GTF2H1: variants seen among roughly 807,000 people sequenced by gnomAD.
The protein encoded by GTF2H1 is general transcription factor IIH subunit 1, also known as BTF2 p62.
GTF2H1 carries 16 observed loss-of-function variants against 71.2 expected under a neutral mutation model. The ratio of observed to expected loss-of-function variants is 0.22; its 90% CI spans 0.15 to 0.34. GTF2H1 has a LOEUF of 0.34. Ranked by LOEUF, GTF2H1 falls within the 10% of genes least tolerant of loss-of-function variation. GTF2H1 has a pLI of 1.00. For synonymous variants in GTF2H1, 215 were observed against 219.0 expected (o/e 0.98, Z 0.16); for missense variants, 498 against 648.2 (o/e 0.77, Z 2.52).
In GTF2H1 at chr11:18,347,859, G is replaced by C; in HGVS notation, c.993G>C (p.Glu331Asp). 6.2e-7 allele frequency: 1 copy of C among 1,612,724 alleles called. No individual in the cohort carries two copies. The highest frequency in any genetic ancestry group is 8.5e-7 in the Non-Finnish European group (1 of 1,179,560). ...KQEAQNEQTSEPSNMDGNSGD... is the reference protein window; with the variant it reads ...KQEAQNEQTSDPSNMDGNSGD... ...AAGCACAAAATGAACAAACTAGTGA[G>C]CCCAGCAACATGGATGGAAATTCCG... Residue 331 changes from glutamate (E) to aspartate (D), a missense_variant, in exon 9 of 15, where the codon GAG becomes GAC. This residue lies in a region of GTF2H1 where 266 missense variants were observed against 301.6 expected (regional missense o/e 0.88). Coordinates refer to ENST00000265963, the MANE Select transcript of GTF2H1 (RefSeq NM_005316.4).
rs751725384 is a variant in GTF2H1 at position 18,338,293 on chromosome 11, T to A, written c.513+19T>A. The A allele has an allele frequency of 2.6e-6, 4 of 1,563,434 alleles. No individual in the cohort carries two copies. In the South Asian group the frequency reaches 3.3e-5, roughly 13 times the overall value. ...ATTTCTGGTATGTGAGCCTTCTAGATTTCTGAAGAAAATAAAAATTCAAAC... is the reference window on the plus strand; with the variant it reads ...ATTTCTGGTATGTGAGCCTTCTAGAATTCTGAAGAAAATAAAAATTCAAAC... On this transcript the variant is annotated intron_variant, in intron 4 of 14. Coordinates refer to ENST00000265963, the MANE Select transcript of GTF2H1 (RefSeq NM_005316.4).
intron 14 of GTF2H1, among the ~76,000 whole-genome samples, 158 bp from the exon 15 acceptor site, chr11:18,365,625 G>A (rs4150682): frequency 6.6e-5 from 10 of 152,204 alleles, no homozygotes; most frequent in Admixed American, 6.5e-4. Flanking sequence ...AAATGTGTCT[G>A]ACAGCACCTT....
intron 1 of GTF2H1, among the ~76,000 whole-genome samples, chr11:18,329,055 CAG>C (rs1395894872): frequency 2.6e-5 from 4 of 151,984 alleles, no homozygotes; most frequent in South Asian, 2.1e-4. Flanking sequence ...AACAAATTCT[CAG>C]TGGTGAGTAA....
chr11:18,334,115 C>T (rs1230050672), intron 2 of GTF2H1, among the ~76,000 whole-genome samples: 4 of 152,186 alleles, frequency 2.6e-5, no homozygotes, highest in Admixed American at 2.6e-4. Flanking sequence ...CGCGGTGGCT[C>T]ACGCCTGTAA....
chr11:18,357,288 T>A (rs1482979565), intron 11 of GTF2H1, among the ~76,000 whole-genome samples: 1 of 152,232 alleles, frequency 6.6e-6, no homozygotes, highest in Non-Finnish European at 1.5e-5. Flanking sequence ...TTTTCCTAAA[T>A]GTTGATGTTG....
chr11:18,332,915 T>C (rs1864933839), intron 1 of GTF2H1, 145 bp from the exon 2 acceptor site: 6 of 540,092 alleles, frequency 1.1e-5, no homozygotes, highest in Middle Eastern at 4.8e-4. Flanking sequence ...ATCTTCAACT[T>C]TGAATGAGAA....
chr11:18,353,412 CCCTT>C (rs1941192866), intron 11 of GTF2H1, among the ~76,000 whole-genome samples: 1 of 152,182 alleles, frequency 6.6e-6, no homozygotes. Flanking sequence ...CTCCGCTACT[CCCTT>C]CCACACATGG....
At chr11:18,349,583 T>C (rs374243642) in intron 9 of GTF2H1, among the ~76,000 whole-genome samples, 49 of 152,326 alleles carry the variant, frequency 3.2e-4, no homozygotes, top group Admixed American at 9.8e-4. Flanking sequence ...CCTGGGAGGC[T>C]GAGGCAGCAA....
chr11:18,351,188 G>C (rs1865412471), intron 9 of GTF2H1, among the ~76,000 whole-genome samples: 1 of 151,888 alleles, frequency 6.6e-6, no homozygotes, highest in Non-Finnish European at 1.5e-5. Context: ...CGCAATTTAG[G>C]AGACTGAGTT....
chr11:18,342,226 C>T (rs1257081843), intron 7 of GTF2H1, among the ~76,000 whole-genome samples: 1 of 141,578 alleles, frequency 7.1e-6, no homozygotes, highest in African/African-American at 2.6e-5. Context: ...CATTTTCTTG[C>T]TCTTATTTTT....
chr11:18,336,161 C>G (rs574005848), intron 3 of GTF2H1, among the ~76,000 whole-genome samples: 1 of 152,182 alleles, frequency 6.6e-6, no homozygotes, highest in South Asian at 2.1e-4. Context: ...GAGTTTCGCT[C>G]TGTCGCCTAG....
In GTF2H1 at chr11:18,349,244, T is replaced by G. The variant is rs555380845; in HGVS notation, c.1053+1325T>G. On this transcript the variant is annotated intron_variant, in intron 9 of 14. Coordinates refer to ENST00000265963, the MANE Select transcript of GTF2H1 (RefSeq NM_005316.4). Reference sequence around the variant, plus strand: ...AGGCATGTATTACCTATAAAATTAATAAAGCCAGTGAGGTATTTCTTTTTT... The same window carrying G: ...AGGCATGTATTACCTATAAAATTAAGAAAGCCAGTGAGGTATTTCTTTTTT... Among the ~76,000 whole-genome samples the G allele has an allele frequency of 2.5e-3, 379 of 152,320 alleles. 1 individual carries two copies. The highest frequency in any genetic ancestry group is 8.7e-3 in the African/African-American group (362 of 41,574).
At position 18,352,163 on chromosome 11, in the gene GTF2H1, G is replaced by T. The variant is rs1026959870; in HGVS notation, c.1143-166G>T. ...AATAAATGTGGATCTTTCTGCTGTTGCTTTCTTATTGCCCTTATGGGAATT... is the reference window on the plus strand; with the variant it reads ...AATAAATGTGGATCTTTCTGCTGTTTCTTTCTTATTGCCCTTATGGGAATT... On this transcript the variant is annotated intron_variant, in intron 10 of 14. Transcript: ENST00000265963. 50 of 627,944 alleles carry T rather than the reference G, an allele frequency of 8.0e-5. 1 individual carries two copies. The Admixed American group carries it at 1.4e-3, about 17-fold the overall frequency. 38.9% of individuals were successfully genotyped at this position (627,944 alleles called of 1,614,324 possible). A position where few individuals can be genotyped will look rare whatever the true frequency, so the allele number is the denominator to read the frequency against.
intron 14 of GTF2H1, among the ~76,000 whole-genome samples, chr11:18,361,978 A>C (rs1865713826): frequency 6.6e-6 from 1 of 152,224 alleles, no homozygotes; most frequent in Non-Finnish European, 1.5e-5. Context: ...AAGCCCTCCC[A>C]GAGGTACCTT....
At chr11:18,345,080 A>G (rs1865256789) in intron 7 of GTF2H1, among the ~76,000 whole-genome samples, 1 of 151,330 alleles carries the variant, frequency 6.6e-6, no homozygotes, top group Admixed American at 6.6e-5. Flanking sequence ...AGTCCCAGCT[A>G]CTCGGGAGGC....
chr11:18,351,172 A>C (rs561435685), intron 9 of GTF2H1, among the ~76,000 whole-genome samples: 1 of 152,116 alleles, frequency 6.6e-6, no homozygotes, highest in Non-Finnish European at 1.5e-5. Flanking sequence ...ATGTGTCTGT[A>C]ATCTCCGCAA....
chr11:18,327,412 A>T (rs894799820), intron 1 of GTF2H1, among the ~76,000 whole-genome samples: 4 of 152,246 alleles, frequency 2.6e-5, no homozygotes, highest in Admixed American at 6.5e-5. Flanking sequence ...TTTCAAAGAC[A>T]GACTGACCCA....
At chr11:18,360,532 CTT>C in intron 13 of GTF2H1, 81 bp from the exon 14 acceptor site, 1 of 644,870 alleles carries the variant, frequency 1.6e-6, no homozygotes, top group Non-Finnish European at 2.7e-6. Context: ...AGAAAAGTAA[CTT>C]TCATATGTAG....
intron 11 of GTF2H1, among the ~76,000 whole-genome samples, chr11:18,354,587 A>G (rs1865499530): frequency 6.6e-6 from 1 of 152,116 alleles, no homozygotes; most frequent in Non-Finnish European, 1.5e-5. Context: ...ATGTGTCACC[A>G]CACAACAAAC....
Sources: gnomAD v4.1 joint callset for allele counts (sites outside exome capture counted in the v4.1 genomes callset) on GRCh38, gnomAD v4.1.1 for gene constraint, gnomAD v4.1.1 regional missense constraint, MANE v1.5 for transcripts, NCBI Gene and HGNC (gene_info 2026-07-23, HGNC 2026-07-21) for gene names.